The following ARHGAP32 variants were observed in gnomAD, a reference collection of about 807,000 sequenced individuals.
ARHGAP32 encodes Rho GTPase activating protein 32.
In ARHGAP32, 51 loss-of-function variants were observed where a neutral mutation model predicts 186.5. The ratio of observed to expected loss-of-function variants is 0.27; its 90% CI spans 0.22 to 0.35. ARHGAP32 has a LOEUF of 0.35. Ranked by LOEUF, ARHGAP32 falls within the 10% of genes least tolerant of loss-of-function variation. The probability of loss-of-function intolerance (pLI) is 1.00; values close to 1 mark genes in which losing one functional copy is unlikely to be tolerated. For synonymous variants in ARHGAP32, 950 were observed against 964.3 expected (o/e 0.99, Z 0.27); for missense variants, 2,186 against 2,623.5 (o/e 0.83, Z 3.64).
At chr11:129,090,817 G>C (rs1285599696) in intron 6 of ARHGAP32, among the ~76,000 whole-genome samples, 3 of 152,148 alleles carry the variant, frequency 2.0e-5, no homozygotes, top group African/African-American at 7.2e-5. Context: ...AATATAATTA[G>C]TGTCAGGGTT....
rs1251126869 is a variant in ARHGAP32 at position 128,969,357 on chromosome 11, G to C, written c.5856C>G (p.Asn1952Lys). The part of the protein sequence containing the change: ...AASGQESLRL[N>K]HKEVRLSKEM... The stretch of plus-strand genomic sequence containing the variant: ...CTTTGGAGAGCCTTACCTCTTTGTG[G>C]TTCAGTCTTAAAGATTCTTGCCCGG... Residue 1952 changes from asparagine to lysine, a missense_variant, in exon 23 of 23, where the codon AAC becomes AAG. Physicochemically the swap from Asn to Lys is moderately conservative, Grantham distance 94. Around this residue, in one of 5 missense-constraint regions of ARHGAP32, gnomAD observed 1,502 missense variants for 1,570.0 expected, o/e 0.96. Coordinates refer to ENST00000682385, the MANE Select transcript of ARHGAP32 (RefSeq NM_001378024.1). The surrounding 1 kb of genome is among the most constrained non-coding windows in gnomAD (Gnocchi z 4.8). 3.1e-6 allele frequency: 5 copies of C among 1,614,096 alleles called. No homozygotes were observed. The highest frequency in any genetic ancestry group is 3.4e-6 in the Non-Finnish European group (4 of 1,180,054).
At chr11:129,168,449 A>G (rs1260204689) in intron 1 of ARHGAP32, among the ~76,000 whole-genome samples, 1 of 152,200 alleles carries the variant, frequency 6.6e-6, no homozygotes, top group Non-Finnish European at 1.5e-5. Flanking sequence ...AAAAGCATCA[A>G]ATTAACAGGT....
intron 2 of ARHGAP32, among the ~76,000 whole-genome samples, chr11:129,134,979 G>A (rs180698277): frequency 1.1e-4 from 16 of 152,274 alleles, no homozygotes; most frequent in East Asian, 7.7e-4. Context: ...AAGGTATTCT[G>A]TTATAGCAGC....
At chr11:129,093,500 A>T (rs1172087774) in intron 6 of ARHGAP32, 121 bp downstream of exon 6, 1 of 697,052 alleles carries the variant, frequency 1.4e-6, no homozygotes, top group East Asian at 2.7e-5. Flanking sequence ...TTTCAGTATT[A>T]TATAAGTATT....
intron 2 of ARHGAP32, among the ~76,000 whole-genome samples, chr11:129,148,689 G>A (rs1943223189): frequency 6.6e-6 from 1 of 152,152 alleles, no homozygotes; most frequent in Non-Finnish European, 1.5e-5. Flanking sequence ...GACAGGGAGG[G>A]GCAAGGTGGG....
At chr11:129,082,212 T>C (rs1941242496) in intron 6 of ARHGAP32, among the ~76,000 whole-genome samples, 1 of 151,914 alleles carries the variant, frequency 6.6e-6, no homozygotes, top group Non-Finnish European at 1.5e-5. Context: ...GCAATTCCCA[T>C]CAAAATACCA....
intron 10 of ARHGAP32, among the ~76,000 whole-genome samples, chr11:129,057,507 T>A (rs951079579): frequency 1.3e-5 from 2 of 152,020 alleles, no homozygotes; most frequent in African/African-American, 4.8e-5. Context: ...AAATTCATAA[T>A]GTTGAATTCC....
chr11:129,049,109 G>A (rs1565395601), intron 10 of ARHGAP32, among the ~76,000 whole-genome samples: 1 of 152,052 alleles, frequency 6.6e-6, no homozygotes, highest in Non-Finnish European at 1.5e-5. Context: ...AGCAGCACAG[G>A]AACAGGCATG....
intron 1 of ARHGAP32, among the ~76,000 whole-genome samples, chr11:129,203,841 T>C (rs1470644432): frequency 6.7e-6 from 1 of 149,896 alleles, no homozygotes; most frequent in Non-Finnish European, 1.5e-5. Context: ...TAGGCTGTGG[T>C]GAGCTGTGAT....
At chr11:129,276,754 CCTTT>C (rs61112242) in intron 1 of ARHGAP32, among the ~76,000 whole-genome samples, 1,618 of 152,288 alleles carry the variant, frequency 0.011, 28 homozygotes, top group African/African-American at 0.037. Context: ...ATTTTCATAT[CCTTT>C]CTATCATCTG....
intron 1 of ARHGAP32, among the ~76,000 whole-genome samples, chr11:129,273,959 T>G (rs1286651882): frequency 6.6e-6 from 1 of 151,778 alleles, no homozygotes; most frequent in Non-Finnish European, 1.5e-5. Context: ...GCCTCCAATA[T>G]TATGTATATT....
intron 1 of ARHGAP32, among the ~76,000 whole-genome samples, chr11:129,226,017 A>T (rs1165081369): frequency 6.6e-6 from 1 of 152,176 alleles, no homozygotes. Context: ...AATGGAAGAA[A>T]AATTCTTCAA....
At chr11:128,978,183 G>T (rs921071249) in intron 19 of ARHGAP32, among the ~76,000 whole-genome samples, 1 of 152,034 alleles carries the variant, frequency 6.6e-6, no homozygotes, top group Admixed American at 6.6e-5. Flanking sequence ...ACTGAATGAC[G>T]AATTAAATGA....
intron 11 of ARHGAP32, among the ~76,000 whole-genome samples, chr11:129,027,283 CTCT>C (rs1179929460): frequency 6.6e-6 from 1 of 152,140 alleles, no homozygotes; most frequent in African/African-American, 2.4e-5. Context: ...CTGCCAGCCC[CTCT>C]TCTTCTACCT....
At position 129,125,745 on chromosome 11, in the gene ARHGAP32, T is replaced by G. The variant is rs556712668; in HGVS notation, c.226-851A>C. ...TAACAATGCATGAACTTATGAGAATTAAACCTTGTTACATCATCACAGTGT... is the reference window on the plus strand; with the variant it reads ...TAACAATGCATGAACTTATGAGAATGAAACCTTGTTACATCATCACAGTGT... On this transcript the variant is annotated intron_variant, in intron 2 of 22. Coordinates refer to ENST00000682385, the MANE Select transcript of ARHGAP32 (RefSeq NM_001378024.1). The G allele has an allele frequency of 1.3e-5, 3 of 234,128 alleles. 1 individual carries two copies. The South Asian group carries it at 1.7e-4, about 13-fold the overall frequency. 14.5% of individuals were successfully genotyped at this position (234,128 alleles called of 1,614,324 possible).
chr11:129,116,482 T>C (rs1047961075), intron 5 of ARHGAP32, among the ~76,000 whole-genome samples: 2 of 152,022 alleles, frequency 1.3e-5, no homozygotes, highest in African/African-American at 4.8e-5. Context: ...CTGCAGAACA[T>C]GCAGAAAAGT....
intron 2 of ARHGAP32, among the ~76,000 whole-genome samples, chr11:129,144,879 T>G (rs899736513): frequency 6.6e-6 from 1 of 152,180 alleles, no homozygotes; most frequent in African/African-American, 2.4e-5. Flanking sequence ...GAAAAATTAT[T>G]CGGAGGCGAT....
chr11:129,225,872 A>C (rs375447419), intron 1 of ARHGAP32, among the ~76,000 whole-genome samples: 1 of 152,184 alleles, frequency 6.6e-6, no homozygotes, highest in East Asian at 1.9e-4. Flanking sequence ...TGTGCAAAGA[A>C]AGTATGAGAA....
chr11:129,009,216 A>T (rs1223273706), intron 11 of ARHGAP32, among the ~76,000 whole-genome samples: 1 of 152,066 alleles, frequency 6.6e-6, no homozygotes, highest in African/African-American at 2.4e-5. Flanking sequence ...CATTCCACAT[A>T]TTTCTTATTA....
Sources: allele counts gnomAD v4.1 joint callset (sites outside exome capture counted in the v4.1 genomes callset), GRCh38; gene constraint gnomAD v4.1.1; regional missense constraint gnomAD v4.1.1; non-coding constraint Gnocchi (gnomAD v3.1); transcripts MANE v1.5; gene names NCBI Gene and HGNC (gene_info 2026-07-23, HGNC 2026-07-21).